The following KLF12 variants were observed in gnomAD, a reference collection of about 807,000 sequenced individuals.
KLF12 encodes the protein KLF transcription factor 12.
In KLF12, 9 loss-of-function variants were observed where a neutral mutation model predicts 37.8. The ratio of observed to expected loss-of-function variants is 0.24; its 90% CI spans 0.14 to 0.42. KLF12 has a LOEUF of 0.42. Among genes scored for constraint, KLF12 ranks in the 10% least tolerant of loss-of-function variants. The probability of loss-of-function intolerance (pLI) is 1.00; values close to 1 mark genes in which losing one functional copy is unlikely to be tolerated. For missense variants in KLF12, 411 were observed against 516.0 expected, an observed-to-expected ratio of 0.80 and a Z score of 1.97; for synonymous variants, 208 against 202.1, an observed-to-expected ratio of 1.03 and a Z score of -0.25.
At chr13:74,257,893 A>G in the KLF12 span, 1 of 152,010 alleles carries the variant, frequency 6.6e-6, no homozygotes, top group Non-Finnish European at 1.5e-5. Flanking sequence ...TGATAAGTAG[A>G]TATCAGCTAT....
At chr13:73,948,497 G>A (rs80306115) in intron 2 of KLF12, among the ~76,000 whole-genome samples, 1,594 of 152,318 alleles carry the variant, frequency 0.01, 33 homozygotes, top group African/African-American at 0.037. Flanking sequence ...GGGAATACAG[G>A]CATGAGCCAC....
intron 6 of KLF12, among the ~76,000 whole-genome samples, chr13:73,717,833 T>C (rs568017440): frequency 1.3e-5 from 2 of 152,314 alleles, no homozygotes; most frequent in South Asian, 2.1e-4. Context: ...TGACAAGGTA[T>C]ATTTTTATCA....
At chr13:73,823,638 A>G (rs886416479) in intron 4 of KLF12, among the ~76,000 whole-genome samples, 6 of 152,224 alleles carry the variant, frequency 3.9e-5, no homozygotes, top group African/African-American at 1.4e-4. Flanking sequence ...AAAATTGAGA[A>G]TTATTTATAT....
At chr13:73,837,644 G>T (rs1165428081) in intron 4 of KLF12, among the ~76,000 whole-genome samples, 1 of 152,106 alleles carries the variant, frequency 6.6e-6, no homozygotes, top group African/African-American at 2.4e-5. Flanking sequence ...AAACACTCAA[G>T]TCTTATCAAA....
chr13:73,906,200 T>C (rs1001219614), intron 3 of KLF12, among the ~76,000 whole-genome samples: 5 of 152,202 alleles, frequency 3.3e-5, no homozygotes, highest in African/African-American at 9.6e-5. Flanking sequence ...TACTCTAATA[T>C]TCATATTTTT....
At chr13:74,074,541 G>A (rs1231985208) in intron 1 of KLF12, among the ~76,000 whole-genome samples, 1 of 152,162 alleles carries the variant, frequency 6.6e-6, no homozygotes, top group African/African-American at 2.4e-5. Context: ...GAATGTTCCT[G>A]GATATCAATG....
At chr13:73,859,500 A>G (rs1163010682) in intron 3 of KLF12, among the ~76,000 whole-genome samples, 1 of 152,182 alleles carries the variant, frequency 6.6e-6, no homozygotes. Context: ...TTCATGTGCA[A>G]TTAGTACGTG....
chr13:73,910,470 A>G (rs1888514364), intron 3 of KLF12, among the ~76,000 whole-genome samples: 2 of 152,316 alleles, frequency 1.3e-5, no homozygotes, highest in South Asian at 4.1e-4. Context: ...AAGCAACTTG[A>G]ATCTTAGCCA....
chr13:74,010,110 T>C (rs1247569049), intron 1 of KLF12, among the ~76,000 whole-genome samples: 1 of 151,784 alleles, frequency 6.6e-6, no homozygotes, highest in Admixed American at 6.6e-5. Context: ...CCACCACACC[T>C]GGCTGATTTT....
At chr13:74,296,295 C>T in the KLF12 span, among the ~76,000 whole-genome samples, 3 of 152,116 alleles carry the variant, frequency 2.0e-5, no homozygotes, top group East Asian at 5.8e-4. Context: ...TGCATAGTTA[C>T]ATAATTTTAA....
upstream of KLF12, among the ~76,000 whole-genome samples, chr13:74,138,130 A>G (rs190591597): frequency 3.9e-5 from 6 of 152,384 alleles, no homozygotes; most frequent in South Asian, 1.0e-3. Flanking sequence ...ACTCTGTTCA[A>G]TATCTGTGTA....
the KLF12 span, among the ~76,000 whole-genome samples, chr13:74,194,751 C>T: frequency 1.3e-5 from 2 of 152,134 alleles, no homozygotes; most frequent in South Asian, 4.1e-4. Flanking sequence ...AGGAAAAAAA[C>T]AAAAGAAATG....
chr13:74,189,998 T>C, the KLF12 span, among the ~76,000 whole-genome samples: 1 of 152,164 alleles, frequency 6.6e-6, no homozygotes, highest in African/African-American at 2.4e-5. Context: ...ACTACAATAT[T>C]GAGTAATATT....
chr13:73,789,181 C>G (rs920856686), intron 5 of KLF12, among the ~76,000 whole-genome samples: 1 of 152,038 alleles, frequency 6.6e-6, no homozygotes, highest in Non-Finnish European at 1.5e-5. Flanking sequence ...CAAATACTTT[C>G]GATTGTTGGT....
At chr13:73,835,497 G>T (rs1186223509) in intron 4 of KLF12, among the ~76,000 whole-genome samples, 1 of 151,948 alleles carries the variant, frequency 6.6e-6, no homozygotes, top group Non-Finnish European at 1.5e-5. Flanking sequence ...AAACAACTGA[G>T]AAAAGGAAGA....
rs80326399 is a variant in KLF12, at chr13:74,055,177, A to G, written c.-31-60124T>C. On this transcript the variant is annotated intron_variant, in intron 1 of 7. Transcript: ENST00000377669. ...GAAAAACTGCCATAAGAAAGCTAAC[A>G]AAGTTGTAACAAGTCAAATTCTGCC... is the stretch of plus-strand genomic sequence containing the variant. Among the ~76,000 whole-genome samples the G allele has an allele frequency of 2.7e-3, 406 of 152,344 alleles. 1 individual carries two copies. Among genetic ancestry groups the G allele is most frequent in the African/African-American group, 9.3e-3 (386 of 41,592 alleles).
chr13:74,060,484 TTGTGTGTGTGTGTGTG>T (rs60242793), intron 1 of KLF12, among the ~76,000 whole-genome samples: 95 of 108,626 alleles, frequency 8.7e-4, no homozygotes, highest in African/African-American at 3.1e-3. Context: ...TACCTAGGTT[TTGTGTGTGTGTGTGTG>T]TGTGTGTGTG....
At chr13:73,985,472 G>A (rs779025252) in intron 2 of KLF12, among the ~76,000 whole-genome samples, 50 of 152,286 alleles carry the variant, frequency 3.3e-4, no homozygotes, top group Middle Eastern at 6.8e-3. Flanking sequence ...GTGCAAGGCC[G>A]ACAACCAGTG....
At chr13:73,977,120 G>A (rs898806358) in intron 2 of KLF12, among the ~76,000 whole-genome samples, 4 of 148,984 alleles carry the variant, frequency 2.7e-5, no homozygotes, top group Non-Finnish European at 5.9e-5. Context: ...GCATGATCTC[G>A]ACTCACTGCA....
Sources: allele counts gnomAD v4.1 joint callset (sites outside exome capture counted in the v4.1 genomes callset), GRCh38; gene constraint gnomAD v4.1.1; transcripts MANE v1.5; gene names NCBI Gene and HGNC (gene_info 2026-07-23, HGNC 2026-07-21).